The following GRID2 variants were observed in gnomAD, a reference collection of about 807,000 sequenced individuals.
GRID2 encodes the protein glutamate ionotropic receptor delta type subunit 2.
In GRID2, 33 loss-of-function variants were observed where a neutral mutation model predicts 114.8. The ratio of observed to expected loss-of-function variants is 0.29; its 90% CI spans 0.22 to 0.38. GRID2 has a LOEUF of 0.38. Among genes scored for constraint, GRID2 ranks in the 10% least tolerant of loss-of-function variants. GRID2 has a pLI of 1.00. For synonymous variants in GRID2, 505 were observed against 449.9 expected (o/e 1.12, Z -1.55); for missense variants, 1,184 against 1,257.7 (o/e 0.94, Z 0.89).
At chr4:93,722,469 A>C (rs753854681) in intron 14 of GRID2, among the ~76,000 whole-genome samples, 1 of 152,180 alleles carries the variant, frequency 6.6e-6, no homozygotes, top group Non-Finnish European at 1.5e-5. Flanking sequence ...TCAACACATC[A>C]GTGTCACTTC....
chr4:93,472,096 G>A lies in GRID2; in HGVS notation c.1858+16122G>A, dbSNP rs935342997. On this transcript the variant is annotated intron_variant, in intron 11 of 15. Transcript: ENST00000282020. ...TCCCAGCACTTTGGGAGACTGAGGC[G>A]GGCGGATCACCTGAGGTTGGGAGTT... is the stretch of plus-strand genomic sequence containing the variant. Among the ~76,000 whole-genome samples the A allele has an allele frequency of 5.2e-4, 78 of 151,168 alleles. 1 individual carries two copies. The highest frequency in any genetic ancestry group is 1.6e-3 in the African/African-American group (67 of 41,230).
chr4:92,724,377 C>CCT (rs1310216483), intron 2 of GRID2, among the ~76,000 whole-genome samples: 11 of 152,220 alleles, frequency 7.2e-5, no homozygotes, highest in Middle Eastern at 3.4e-3. Context: ...CCTGAATACG[C>CCT]CTAGGTTAGC....
At chr4:92,759,364 C>T (rs567082687) in intron 2 of GRID2, among the ~76,000 whole-genome samples, 96 of 152,146 alleles carry the variant, frequency 6.3e-4, no homozygotes, top group African/African-American at 2.2e-3. Context: ...TATATTGACT[C>T]ACATACTTTC....
chr4:93,114,445 T>C (rs923684904), intron 4 of GRID2, among the ~76,000 whole-genome samples: 1 of 152,184 alleles, frequency 6.6e-6, no homozygotes, highest in Non-Finnish European at 1.5e-5. Flanking sequence ...TAAAGACTTT[T>C]CTGTCTTTCC....
intron 7 of GRID2, among the ~76,000 whole-genome samples, chr4:93,227,898 T>C (rs1745684159): frequency 6.6e-6 from 1 of 152,188 alleles, no homozygotes; most frequent in Non-Finnish European, 1.5e-5. Context: ...TTTTTATGAG[T>C]ATTCTGGTCA....
At chr4:93,647,265 T>C (rs1722194171) in intron 14 of GRID2, among the ~76,000 whole-genome samples, 1 of 152,178 alleles carries the variant, frequency 6.6e-6, no homozygotes, top group Non-Finnish European at 1.5e-5. Context: ...ATGACTTCAT[T>C]ATACGCTTTT....
At chr4:92,429,970 G>A (rs1732359835) in intron 1 of GRID2, among the ~76,000 whole-genome samples, 1 of 151,984 alleles carries the variant, frequency 6.6e-6, no homozygotes, top group Non-Finnish European at 1.5e-5. Flanking sequence ...TTTTCCTATA[G>A]AGTTGTCTGA....
chr4:93,258,866 C>G (rs569103086), intron 8 of GRID2: 1 of 452,800 alleles, frequency 2.2e-6, no homozygotes, highest in South Asian at 1.6e-5. Context: ...CTGCAAGATT[C>G]ATTTATTATC....
chr4:93,078,885 A>G (rs898639294), intron 2 of GRID2, among the ~76,000 whole-genome samples: 2 of 146,180 alleles, frequency 1.4e-5, no homozygotes, highest in East Asian at 3.9e-4. Flanking sequence ...TATTTTGTAT[A>G]TTTACTAATT....
chr4:93,184,680 G>A (rs1421742808), intron 4 of GRID2, among the ~76,000 whole-genome samples: 6 of 152,126 alleles, frequency 3.9e-5, no homozygotes, highest in South Asian at 2.1e-4. Context: ...TCAGGAGTTC[G>A]AGACCAGCCT....
At chr4:92,328,339 C>G (rs1389516397) in intron 1 of GRID2, among the ~76,000 whole-genome samples, 1 of 151,910 alleles carries the variant, frequency 6.6e-6, no homozygotes, top group African/African-American at 2.4e-5. Context: ...CTAAAGATAC[C>G]AGAGATTTAT....
chr4:92,713,746 A>G (rs1417173228), intron 2 of GRID2, among the ~76,000 whole-genome samples: 2 of 151,720 alleles, frequency 1.3e-5, no homozygotes, highest in Non-Finnish European at 2.9e-5. Flanking sequence ...CCTTTTATAA[A>G]ACCATCAGAT....
At chr4:92,537,976 A>G (rs771774479) in intron 1 of GRID2, among the ~76,000 whole-genome samples, 5 of 152,086 alleles carry the variant, frequency 3.3e-5, no homozygotes, top group African/African-American at 4.8e-5. Context: ...TCCAATCTTC[A>G]TGTTGCCATT....
chr4:93,428,570 A>C (rs1015786039), intron 10 of GRID2, among the ~76,000 whole-genome samples: 2 of 152,184 alleles, frequency 1.3e-5, no homozygotes, highest in African/African-American at 2.4e-5. Context: ...TTTTGATGCA[A>C]AAATACTTTG....
chr4:92,381,908 A>G (rs1729637622), intron 1 of GRID2, among the ~76,000 whole-genome samples: 1 of 152,084 alleles, frequency 6.6e-6, no homozygotes, highest in Non-Finnish European at 1.5e-5. Context: ...AATGATAAAG[A>G]CAATGAATCT....
At chr4:92,393,645 T>C (rs1161042420) in intron 1 of GRID2, among the ~76,000 whole-genome samples, 2 of 152,198 alleles carry the variant, frequency 1.3e-5, no homozygotes, top group Non-Finnish European at 2.9e-5. Context: ...CCAATTTTCA[T>C]TGTTTTATTT....
At chr4:93,697,332 G>T (rs1727105771) in intron 14 of GRID2, among the ~76,000 whole-genome samples, 1 of 152,096 alleles carries the variant, frequency 6.6e-6, no homozygotes, top group Non-Finnish European at 1.5e-5. Flanking sequence ...AAGTTGATTG[G>T]CTTATCATTC....
At chr4:92,870,695 G>A (rs1321749886) in intron 2 of GRID2, among the ~76,000 whole-genome samples, 2 of 152,064 alleles carry the variant, frequency 1.3e-5, no homozygotes, top group African/African-American at 4.8e-5. Flanking sequence ...ATATGAAGTT[G>A]TTCAATGCTT....
intron 1 of GRID2, among the ~76,000 whole-genome samples, chr4:93,801,356 A>G (rs941209328): frequency 6.6e-5 from 10 of 152,092 alleles, no homozygotes; most frequent in African/African-American, 2.4e-4. Context: ...AAGTTTGTGT[A>G]TGTGTAAACA....
Sources: gnomAD v4.1 joint callset for allele counts (sites outside exome capture counted in the v4.1 genomes callset) on GRCh38, gnomAD v4.1.1 for gene constraint, MANE v1.5 for transcripts, NCBI Gene and HGNC (gene_info 2026-07-23, HGNC 2026-07-21) for gene names.